UBE2L5: variants seen among roughly 807,000 people sequenced by gnomAD.
UBE2L5 encodes the protein ubiquitin conjugating enzyme E2 L5.
In UBE2L5, 3 loss-of-function variants were observed where a neutral mutation model predicts 10.0. The ratio of observed to expected loss-of-function variants is 0.30; its 90% CI spans 0.14 to 0.78. The LOEUF is 0.78. UBE2L5 is among the 30% of genes least tolerant of loss of function. The pLI, the probability that UBE2L5 is intolerant of heterozygous loss-of-function variation, is 0.65. For synonymous variants in UBE2L5, 60 were observed against 71.9 expected (o/e 0.83, Z 0.83); for missense variants, 131 against 193.3 (o/e 0.68, Z 1.91).
rs1885577054 is a variant in UBE2L5 at position 30,428,713 on chromosome 13, T to G, written c.*258T>G. 1 of 410,114 alleles carries G rather than the reference T, an allele frequency of 2.4e-6. No individual in the cohort carries two copies. Among genetic ancestry groups the G allele is most frequent in the East Asian group, 4.5e-5 (1 of 22,402 alleles). The allele number at this position is 410,114 out of a possible 1,614,324, so 25.4% of individuals were successfully genotyped here. On this transcript the variant is annotated 3_prime_UTR_variant, in exon 4 of 4. Transcript: ENST00000635918. Reference sequence around the variant, plus strand: ...CGGAACTATACACTGGACTAGTTGTTGTTTTAAAAACATAAAATCTGGCTA... The same window carrying G: ...CGGAACTATACACTGGACTAGTTGTGGTTTTAAAAACATAAAATCTGGCTA...
chr13:30,428,494 C>T lies in UBE2L5; in HGVS notation c.*39C>T. On this transcript the variant is annotated 3_prime_UTR_variant, in exon 4 of 4. Coordinates refer to ENST00000635918, the MANE Select transcript of UBE2L5 (RefSeq NM_001355247.2). Reference sequence around the variant, plus strand: ...TGGTTCCAGCAAGTGTGAGCAGAGACCCCGTGCAGTACATTCAGACACCCC... The same window carrying T: ...TGGTTCCAGCAAGTGTGAGCAGAGATCCCGTGCAGTACATTCAGACACCCC... 1 of 1,603,714 alleles carries T rather than the reference C, an allele frequency of 6.2e-7. No individual in the cohort carries two copies. The highest frequency in any genetic ancestry group is 8.5e-7 in the Non-Finnish European group (1 of 1,177,352).
chr13:30,426,274 G>C (rs140289620), intron 2 of UBE2L5, among the ~76,000 whole-genome samples: 42 of 152,274 alleles, frequency 2.8e-4, no homozygotes, highest in African/African-American at 1.0e-3. Flanking sequence ...TCACACCACT[G>C]AACTCTAGCT....
rs192424041 is a variant in UBE2L5, at chr13:30,427,621, G to A, written c.-370G>A. 2.6e-3 allele frequency: 562 copies of A among 212,104 alleles called. 2 individuals are homozygous for A. Among genetic ancestry groups the A allele is most frequent in the Non-Finnish European group, 4.1e-3 (439 of 106,650 alleles). 13.1% of individuals were successfully genotyped at this position (212,104 alleles called of 1,614,324 possible). A position where few individuals can be genotyped will look rare whatever the true frequency, so the allele number is the denominator to read the frequency against. On this transcript the variant is annotated 5_prime_UTR_variant, in exon 4 of 4. Coordinates refer to ENST00000635918, the MANE Select transcript of UBE2L5 (RefSeq NM_001355247.2). ...TCGAGACTAGCCAGGCCAACATGGT[G>A]AAACCTCGTCTCTACTAAAAATACA...
chr13:30,425,422 C>T (rs1283917649), intron 2 of UBE2L5, among the ~76,000 whole-genome samples: 1 of 152,170 alleles, frequency 6.6e-6, no homozygotes, highest in African/African-American at 2.4e-5. Flanking sequence ...GAAGTGGTTC[C>T]TGTTCGCAGG....
chr13:30,423,853 GA>G (rs1885501592), intron 1 of UBE2L5, among the ~76,000 whole-genome samples: 1 of 152,220 alleles, frequency 6.6e-6, no homozygotes, highest in African/African-American at 2.4e-5. Context: ...CATGCCAGCA[GA>G]TGCACAGACA....
chr13:30,424,221 G>A (rs999130091), intron 1 of UBE2L5, among the ~76,000 whole-genome samples: 1 of 152,140 alleles, frequency 6.6e-6, no homozygotes, highest in African/African-American at 2.4e-5. Context: ...ACTCTGTTAA[G>A]GGACTTGTCC....
chr13:30,427,026 T>C (rs930275199), intron 3 of UBE2L5: 2 of 152,350 alleles, frequency 1.3e-5, no homozygotes, highest in East Asian at 3.9e-4. Context: ...AAATATGTGA[T>C]TTTAAAATAA....
At chr13:30,423,484 C>T (rs945314985) in intron 1 of UBE2L5, among the ~76,000 whole-genome samples, 5 of 152,126 alleles carry the variant, frequency 3.3e-5, no homozygotes, top group Admixed American at 1.3e-4. Flanking sequence ...GTGGTGCACA[C>T]CTGTAGTTCC....
At chr13:30,423,372 G>A (rs745834495) in intron 1 of UBE2L5, among the ~76,000 whole-genome samples, 4 of 152,202 alleles carry the variant, frequency 2.6e-5, no homozygotes, top group Non-Finnish European at 5.9e-5. Context: ...AGCACTTTGG[G>A]AGGCTGAGGC....
intron 1 of UBE2L5, among the ~76,000 whole-genome samples, chr13:30,423,424 C>G (rs1399975835): frequency 6.6e-6 from 1 of 152,108 alleles, no homozygotes; most frequent in African/African-American, 2.4e-5. Context: ...GCAGCCTGGG[C>G]AACATAGTGA....
rs1885543297 is a variant in UBE2L5, at chr13:30,426,656, TA to T, written c.-684-68del. 7.2e-5 allele frequency: 11 copies of T among 152,226 alleles called. 1 individual carries two copies. The highest frequency in any genetic ancestry group is 7.2e-4 in the Admixed American group (11 of 15,278). 9.4% of individuals were successfully genotyped at this position (152,226 alleles called of 1,614,324 possible). ...GCCTATGCTCAGGTGGTGATTTTAT[TA>T]TCTATAGCTAGAGAGCTCTCTGTGT... On this transcript the variant is annotated intron_variant, in intron 2 of 3. Coordinates refer to ENST00000635918, the MANE Select transcript of UBE2L5 (RefSeq NM_001355247.2).
At position 30,428,240 on chromosome 13, in the gene UBE2L5, C is replaced by T; in HGVS notation, c.250C>T (p.Gln84Ter). Residue 84 changes from glutamine to a stop codon, truncating the protein, a stop_gained, in exon 4 of 4, where the codon CAG (glutamine) becomes TAG (stop). Transcript: ENST00000635918. LOFTEE classifies it high-confidence loss of function. ...IYHPNIDEKG[Q>*]VCLPVISAEN... ...TCACCCGAACATCGACGAAAAGGGG[C>T]AGGTCTGTCTGCCAGTAATTAGTGC... 1 of 1,609,528 alleles carries T rather than the reference C, an allele frequency of 6.2e-7. No individual in the cohort carries two copies. The highest frequency in any genetic ancestry group is 8.5e-7 in the Non-Finnish European group (1 of 1,176,394).
At chr13:30,427,202 T>C (rs1302573031) in intron 3 of UBE2L5, 159 bp from the exon 4 acceptor site, 1 of 152,238 alleles carries the variant, frequency 6.6e-6, no homozygotes, top group Non-Finnish European at 1.5e-5. Flanking sequence ...TTTACATTTG[T>C]ACTCTAAAGT....
chr13:30,427,043 C>T (rs867937752), intron 3 of UBE2L5: 1 of 152,154 alleles, frequency 6.6e-6, no homozygotes, highest in African/African-American at 2.4e-5. Context: ...ATAAGTTTTG[C>T]TGCCTTCTTA....
chr13:30,423,219 T>C (rs1303620591), intron 1 of UBE2L5, among the ~76,000 whole-genome samples: 1 of 152,246 alleles, frequency 6.6e-6, no homozygotes, highest in East Asian at 1.9e-4. Context: ...AAGTTCCATC[T>C]GGAAAATCTC....
rs936768975 is a variant in UBE2L5, at chr13:30,428,349, C to T, written c.359C>T (p.Pro120Leu). ...ALVNDPQPEH[P>L]LRADLAEEYS... ...GTGAATGACCCGCAGCCCGAGCACC[C>T]GCTTCGGGCTGACCTAGCTGAAGAA... Residue 120 changes from proline (P) to leucine (L), a missense_variant, in exon 4 of 4, where the codon CCG (proline) becomes CTG (leucine). By Grantham distance (98) the Pro-to-Leu change is moderately conservative. Coordinates refer to ENST00000635918, the MANE Select transcript of UBE2L5 (RefSeq NM_001355247.2). 3 of 1,610,738 alleles carry T rather than the reference C, an allele frequency of 1.9e-6. No individual in the cohort carries two copies. The highest frequency in any genetic ancestry group is 2.7e-5 in the African/African-American group (2 of 74,722).
rs1593239720 is a variant in UBE2L5 at position 30,428,660 on chromosome 13, A to T, written c.*205A>T. 8.9e-6 allele frequency: 2 copies of T among 225,136 alleles called. No homozygotes were observed. The highest frequency in any genetic ancestry group is 9.7e-5 in the South Asian group (1 of 10,274). 13.9% of individuals were successfully genotyped at this position (225,136 alleles called of 1,614,324 possible). On this transcript the variant is annotated 3_prime_UTR_variant, in exon 4 of 4. Coordinates refer to ENST00000635918, the MANE Select transcript of UBE2L5 (RefSeq NM_001355247.2). ...AGGATTAAAAATTTAAGATGTTCTT[A>T]AAAAAAAAAAAAGTGGCCATTAATA...
Position 30,428,450 on chromosome 13 carries a change from G to A in UBE2L5, c.460G>A (p.Asp154Asn). Residue 154 changes from aspartate (D) to asparagine (N), a missense_variant, in exon 4 of 4, where the codon GAC (aspartate) becomes AAC (asparagine). Asp to Asn is a conservative substitution (Grantham distance 23). Transcript: ENST00000635918. ...GAAATATGGGGAAAAGCGACCTGTG[G>A]ACTAAAATGTGCCACGATTGGTTCC... The part of the protein sequence containing the change: ...TKKYGEKRPV[D>N] 6.2e-7 allele frequency: 1 copy of A among 1,610,850 alleles called. No individual in the cohort carries two copies. The highest frequency in any genetic ancestry group is 1.1e-5 in the South Asian group (1 of 90,886).
chr13:30,427,214 A>G (rs978824990), intron 3 of UBE2L5, 147 bp from the exon 4 acceptor site: 12 of 152,206 alleles, frequency 7.9e-5, no homozygotes, highest in Admixed American at 7.9e-4. Flanking sequence ...CTCTAAAGTG[A>G]TAAGTTTTTG....
Sources: allele counts gnomAD v4.1 joint callset (sites outside exome capture counted in the v4.1 genomes callset), GRCh38; gene constraint gnomAD v4.1.1; transcripts MANE v1.5; gene names NCBI Gene and HGNC (gene_info 2026-07-23, HGNC 2026-07-21).